Variants in HDAC9 observed in about 807,000 individuals in gnomAD.
HDAC9 encodes the protein histone deacetylase 9.
In HDAC9, 41 loss-of-function variants were observed where a neutral mutation model predicts 139.4. That is an observed-to-expected ratio of 0.29 (90% CI 0.23 to 0.38). The LOEUF (loss-of-function observed/expected upper bound fraction) is 0.38, where lower values mean the gene tolerates loss of function less well. Ranked by LOEUF, HDAC9 falls within the 10% of genes least tolerant of loss-of-function variation. HDAC9 has a pLI of 1.00. For synonymous variants in HDAC9, 517 were observed against 476.2 expected, an observed-to-expected ratio of 1.09 and a Z score of -1.12; for missense variants, 1,147 against 1,297.0, an observed-to-expected ratio of 0.88 and a Z score of 1.78.
chr7:18,448,196 A>G (rs1347340236), intron 1 of HDAC9, among the ~76,000 whole-genome samples: 1 of 152,182 alleles, frequency 6.6e-6, no homozygotes, highest in Non-Finnish European at 1.5e-5. Flanking sequence ...AAAAAGAGAC[A>G]ACTGTGATTG....
At chr7:18,177,618 C>G (rs1789026716) in intron 2 of HDAC9, among the ~76,000 whole-genome samples, 1 of 152,146 alleles carries the variant, frequency 6.6e-6, no homozygotes, top group African/African-American at 2.4e-5. Context: ...TCTGTGAGGC[C>G]TTCCTGGGTG....
chr7:18,564,164 A>G (rs1230718682), intron 2 of HDAC9, among the ~76,000 whole-genome samples: 1 of 151,928 alleles, frequency 6.6e-6, no homozygotes, highest in Non-Finnish European at 1.5e-5. Context: ...AACAATGACT[A>G]TTCTCCTCAT....
chr7:18,687,529 T>G (rs1057378930), intron 12 of HDAC9, among the ~76,000 whole-genome samples: 23 of 151,880 alleles, frequency 1.5e-4, no homozygotes, highest in Non-Finnish European at 5.9e-5. Context: ...CTTCAGTGAA[T>G]TTTGCATTCT....
chr7:18,785,730 T>A (rs1443974054), intron 16 of HDAC9, among the ~76,000 whole-genome samples: 1 of 152,156 alleles, frequency 6.6e-6, no homozygotes, highest in Non-Finnish European at 1.5e-5. Flanking sequence ...TATTTTACTT[T>A]TTGGATTTTG....
At chr7:18,223,480 T>G (rs112678869) in intron 2 of HDAC9, among the ~76,000 whole-genome samples, 35 of 151,980 alleles carry the variant, frequency 2.3e-4, no homozygotes, top group African/African-American at 8.4e-4. Flanking sequence ...ATACTTTAGC[T>G]TCCCTTTTAT....
intron 19 of HDAC9, among the ~76,000 whole-genome samples, chr7:18,833,619 C>T (rs535003620): frequency 2.0e-4 from 30 of 152,270 alleles, no homozygotes; most frequent in African/African-American, 7.2e-4. Context: ...TCCTTCCTTT[C>T]CTTGGGATAT....
At chr7:18,738,684 C>T (rs549653793) in intron 13 of HDAC9, among the ~76,000 whole-genome samples, 3 of 152,256 alleles carry the variant, frequency 2.0e-5, no homozygotes, top group African/African-American at 7.2e-5. Context: ...TGTCTGGCTG[C>T]CCTTAACACT....
chr7:18,410,652 G>A (rs1788455905), intron 1 of HDAC9, among the ~76,000 whole-genome samples: 1 of 152,038 alleles, frequency 6.6e-6, no homozygotes, highest in Non-Finnish European at 1.5e-5. Flanking sequence ...TTTAAAATGT[G>A]AGACAGTAGT....
chr7:18,990,140 G>C (rs13238644), intron 25 of HDAC9, among the ~76,000 whole-genome samples: 1 of 152,156 alleles, frequency 6.6e-6, no homozygotes, highest in Non-Finnish European at 1.5e-5. Context: ...CTGCGTTTTA[G>C]AGTTTCCAGT....
intron 12 of HDAC9, among the ~76,000 whole-genome samples, chr7:18,693,038 CTAAT>C (rs938902161): frequency 6.6e-6 from 1 of 151,690 alleles, no homozygotes; most frequent in African/African-American, 2.4e-5. Context: ...AACATAAAAA[CTAAT>C]TGTGCCCCAT....
At chr7:18,309,095 T>C (rs574102118) in intron 1 of HDAC9, among the ~76,000 whole-genome samples, 5 of 152,158 alleles carry the variant, frequency 3.3e-5, no homozygotes, top group African/African-American at 1.2e-4. Flanking sequence ...TAATTGTGAG[T>C]TTACTGAGAC....
chr7:18,212,983 A>T (rs1204050260), intron 2 of HDAC9, among the ~76,000 whole-genome samples: 1 of 152,224 alleles, frequency 6.6e-6, no homozygotes, highest in East Asian at 1.9e-4. Context: ...TATATGAGCC[A>T]GATGGCTTTT....
At chr7:18,954,044 A>G in intron 23 of HDAC9, 102 bp from the exon 24 acceptor site, 1 of 754,894 alleles carries the variant, frequency 1.3e-6, no homozygotes, top group Non-Finnish European at 2.2e-6. Context: ...TCTCGGAGCA[A>G]GCTTTTCCTG....
intron 1 of HDAC9, among the ~76,000 whole-genome samples, chr7:18,424,572 A>G (rs1585799479): frequency 6.6e-6 from 1 of 152,330 alleles, no homozygotes; most frequent in Admixed American, 6.5e-5. Flanking sequence ...TGACTTTTAC[A>G]ACAAAAAAAT....
chr7:18,606,145 A>G (rs566823823), intron 6 of HDAC9, among the ~76,000 whole-genome samples: 16 of 152,172 alleles, frequency 1.1e-4, no homozygotes, highest in East Asian at 7.7e-4. Flanking sequence ...GTATTTTCCT[A>G]TTTCTCCAGA....
intron 2 of HDAC9, among the ~76,000 whole-genome samples, chr7:18,268,607 T>C (rs781215944): frequency 2.6e-5 from 4 of 152,172 alleles, no homozygotes; most frequent in Admixed American, 6.5e-5. Flanking sequence ...TGGAAAGATA[T>C]TGGAACTAAA....
intron 1 of HDAC9, among the ~76,000 whole-genome samples, chr7:18,409,999 T>A (rs1344577226): frequency 6.6e-6 from 1 of 151,794 alleles, no homozygotes; most frequent in Non-Finnish European, 1.5e-5. Flanking sequence ...AAATTTTTAG[T>A]CCATAATTTT....
At chr7:18,347,025 C>T (rs1175587645) in intron 1 of HDAC9, among the ~76,000 whole-genome samples, 1 of 152,076 alleles carries the variant, frequency 6.6e-6, no homozygotes, top group African/African-American at 2.4e-5. Context: ...TTATATTGTA[C>T]CATGGGATGG....
At chr7:18,364,353 A>G (rs1253405152) in intron 1 of HDAC9, among the ~76,000 whole-genome samples, 1 of 152,114 alleles carries the variant, frequency 6.6e-6, no homozygotes, top group Non-Finnish European at 1.5e-5. Flanking sequence ...GCACCGGCAT[A>G]TGATAAATGC....
Sources: gnomAD v4.1 joint callset for allele counts (sites outside exome capture counted in the v4.1 genomes callset) on GRCh38, gnomAD v4.1.1 for gene constraint, MANE v1.5 for transcripts, NCBI Gene and HGNC (gene_info 2026-07-23, HGNC 2026-07-21) for gene names.